Variants in NTM observed in about 807,000 individuals in gnomAD.
NTM encodes neurotrimin, also known as IgLON family member 2.
In NTM, 13 loss-of-function variants were observed where a neutral mutation model predicts 42.1. The ratio of observed to expected loss-of-function variants is 0.31; its 90% CI spans 0.20 to 0.49. NTM has a LOEUF of 0.49. Among genes scored for constraint, NTM ranks in the 20% least tolerant of loss-of-function variants. The pLI, the probability that NTM is intolerant of heterozygous loss-of-function variation, is 0.99. For missense variants in NTM, 373 were observed against 452.8 expected (o/e 0.82, Z 1.60); for synonymous variants, 187 against 179.2 (o/e 1.04, Z -0.35).
At chr11:131,440,731 A>C (rs897030208) in intron 1 of NTM, among the ~76,000 whole-genome samples, 4 of 147,328 alleles carry the variant, frequency 2.7e-5, no homozygotes, top group African/African-American at 1.0e-4. Context: ...CAGGTTCCAC[A>C]GATGAGTGAC....
chr11:132,004,582 G>T (rs1326998090), intron 2 of NTM, among the ~76,000 whole-genome samples: 8 of 148,622 alleles, frequency 5.4e-5, no homozygotes, highest in Non-Finnish European at 7.5e-5. Context: ...TGGTTCCAAA[G>T]AAGTTTCTCT....
chr11:132,177,623 G>T (rs577017957), intron 3 of NTM, among the ~76,000 whole-genome samples: 123 of 152,290 alleles, frequency 8.1e-4, no homozygotes, highest in Non-Finnish European at 1.5e-3. Context: ...TCTTGGCAAT[G>T]CTAGATTTCA....
At chr11:131,448,191 G>A (rs1488877911) in intron 1 of NTM, among the ~76,000 whole-genome samples, 3 of 152,236 alleles carry the variant, frequency 2.0e-5, no homozygotes, top group African/African-American at 2.4e-5. Flanking sequence ...ACTGTCCTGC[G>A]CTGAAGCCGC....
intron 2 of NTM, among the ~76,000 whole-genome samples, chr11:132,077,574 T>TG (rs1331083814): frequency 6.6e-6 from 1 of 152,186 alleles, no homozygotes; most frequent in Non-Finnish European, 1.5e-5. Flanking sequence ...CAAGAGGAAG[T>TG]GGAGACTCAG....
At chr11:131,780,419 A>G (rs1286023079) in intron 1 of NTM, among the ~76,000 whole-genome samples, 1 of 152,100 alleles carries the variant, frequency 6.6e-6, no homozygotes, top group Non-Finnish European at 1.5e-5. Flanking sequence ...TCTCAAATGT[A>G]GGAGTTTTAT....
rs184504097 is a variant in NTM, at chr11:132,075,928, G to A, written c.168-70354G>A. On this transcript the variant is annotated intron_variant, in intron 2 of 8. Coordinates refer to ENST00000683400, the MANE Select transcript of NTM (RefSeq NM_001352005.2). Reference sequence around the variant, plus strand: ...GCAATAGGTAACCTTTTTATTGGTGGCATTTACCTGAACTAAGGTAAATGT... The same window carrying A: ...GCAATAGGTAACCTTTTTATTGGTGACATTTACCTGAACTAAGGTAAATGT... 2.3e-3 allele frequency among the ~76,000 whole-genome samples: 352 copies of A among 152,218 alleles called. 1 individual carries two copies. The highest frequency in any genetic ancestry group is 7.9e-3 in the African/African-American group (329 of 41,544).
intron 1 of NTM, among the ~76,000 whole-genome samples, chr11:131,748,807 A>G (rs1360349974): frequency 2.0e-5 from 3 of 151,972 alleles, no homozygotes; most frequent in African/African-American, 4.8e-5. Flanking sequence ...TCTCTCCACT[A>G]CCCTGGAGGC....
At chr11:131,420,130 C>T (rs1223818915) in intron 1 of NTM, among the ~76,000 whole-genome samples, 1 of 152,142 alleles carries the variant, frequency 6.6e-6, no homozygotes, top group Non-Finnish European at 1.5e-5. Flanking sequence ...GTCTCTGGGA[C>T]CTGCAAACAA....
chr11:132,098,070 G>C (rs2061232279), intron 2 of NTM, among the ~76,000 whole-genome samples: 1 of 152,212 alleles, frequency 6.6e-6, no homozygotes, highest in Non-Finnish European at 1.5e-5. Flanking sequence ...AAATAAATCT[G>C]TCATGATGTG....
Position 132,098,435 on chromosome 11 carries a change from C to A in NTM, c.168-47847C>A, listed in dbSNP as rs532498667. ...TCATCTATTCTGAAACTTCTGGGGT[C>A]TGTGCTTTTCCTATAAAGAAGGCCA... On this transcript the variant is annotated intron_variant, in intron 2 of 8. Coordinates refer to ENST00000683400, the MANE Select transcript of NTM (RefSeq NM_001352005.2). 1.4e-4 allele frequency among the ~76,000 whole-genome samples: 22 copies of A among 152,324 alleles called. 1 individual carries two copies. The highest frequency in any genetic ancestry group is 5.3e-4 in the African/African-American group (22 of 41,570).
At chr11:131,414,853 G>A (rs78821993) in intron 1 of NTM, among the ~76,000 whole-genome samples, 1,558 of 152,246 alleles carry the variant, frequency 0.01, 17 homozygotes, top group African/African-American at 0.036. Context: ...AAGCTTGCAT[G>A]TTAGTCCTTC....
At chr11:132,090,552 A>T (rs2060259828) in intron 2 of NTM, among the ~76,000 whole-genome samples, 2 of 152,114 alleles carry the variant, frequency 1.3e-5, no homozygotes, top group African/African-American at 4.8e-5. Context: ...TCAGTCACTG[A>T]ATCAGAAAAT....
intron 2 of NTM, among the ~76,000 whole-genome samples, chr11:132,059,322 C>T (rs1188393470): frequency 1.3e-5 from 2 of 152,170 alleles, no homozygotes; most frequent in Admixed American, 6.5e-5. Context: ...AGCTCAGGGC[C>T]GCCTCTGAGA....
intron 1 of NTM, among the ~76,000 whole-genome samples, chr11:131,634,652 A>AAT (rs2064146762): frequency 6.6e-6 from 1 of 151,742 alleles, no homozygotes. Flanking sequence ...AAAAAAGAAA[A>AAT]AAGAGTGAGC....
chr11:131,539,149 TC>T (rs1263653179), intron 1 of NTM: 2 of 152,104 alleles, frequency 1.3e-5, no homozygotes, highest in African/African-American at 4.8e-5. Flanking sequence ...ACAATGTTGC[TC>T]AGGTTGGTCT....
chr11:131,668,740 G>T (rs2069563511), intron 1 of NTM, among the ~76,000 whole-genome samples: 1 of 152,160 alleles, frequency 6.6e-6, no homozygotes, highest in African/African-American at 2.4e-5. Flanking sequence ...AAGTGACAAG[G>T]CAGTGTAATG....
chr11:131,638,732 T>C (rs1358668045), intron 1 of NTM, among the ~76,000 whole-genome samples: 2 of 152,126 alleles, frequency 1.3e-5, no homozygotes, highest in Non-Finnish European at 2.9e-5. Flanking sequence ...AAAACCTAGA[T>C]TTTAGTCCCA....
intron 3 of NTM, among the ~76,000 whole-genome samples, chr11:132,200,753 A>G (rs146165093): frequency 4.4e-4 from 67 of 152,334 alleles, no homozygotes; most frequent in African/African-American, 1.5e-3. Context: ...ACAGGGGCTT[A>G]GTCTCTATCT....
In NTM at chr11:131,853,080, GAAGAGAGTCAATCTACAAACATCTT is replaced by G. The variant is rs536461457; in HGVS notation, c.83-58483_83-58459del. On this transcript the variant is annotated intron_variant, in intron 1 of 8. Coordinates refer to ENST00000683400, the MANE Select transcript of NTM (RefSeq NM_001352005.2). Reference sequence around the variant, plus strand: ...ATTCACTCACTATTTGTGCATTCAGGAAGAGAGTCAATCTACAAACATCTTTAGAGTACCTACTGTATGCCCAGAA... The same window carrying G: ...ATTCACTCACTATTTGTGCATTCAGGTAGAGTACCTACTGTATGCCCAGAA... 7.0e-3 allele frequency among the ~76,000 whole-genome samples: 1,067 copies of G among 151,940 alleles called. 3 individuals carry two copies. The highest frequency in any genetic ancestry group is 0.011 in the Non-Finnish European group (758 of 67,982).
Sources: gnomAD v4.1 joint callset for allele counts (sites outside exome capture counted in the v4.1 genomes callset) on GRCh38, gnomAD v4.1.1 for gene constraint, MANE v1.5 for transcripts, NCBI Gene and HGNC (gene_info 2026-07-23, HGNC 2026-07-21) for gene names.